Variants in CDH13 observed in about 807,000 individuals in gnomAD.
CDH13 encodes the protein cadherin 13.
CDH13 carries 24 observed loss-of-function variants against 63.8 expected under a neutral mutation model. The ratio of observed to expected loss-of-function variants is 0.38; its 90% CI spans 0.27 to 0.53. The LOEUF is 0.53. Ranked by LOEUF, CDH13 falls within the 20% of genes least tolerant of loss-of-function variation. The probability of loss-of-function intolerance (pLI) is 0.85; values close to 1 mark genes in which losing one functional copy is unlikely to be tolerated. For missense variants in CDH13, 1,049 were observed against 903.1 expected, an observed-to-expected ratio of 1.16 and a Z score of -2.07; for synonymous variants, 503 against 355.3, an observed-to-expected ratio of 1.42 and a Z score of -4.67.
At chr16:82,966,166 T>C (rs1011340044) in intron 2 of CDH13, among the ~76,000 whole-genome samples, 1 of 152,196 alleles carries the variant, frequency 6.6e-6, no homozygotes, top group African/African-American at 2.4e-5. Context: ...TTTGTTTGTT[T>C]GAGACAAAGA....
chr16:83,325,984 G>T (rs2151898889), intron 5 of CDH13, among the ~76,000 whole-genome samples: 1 of 152,158 alleles, frequency 6.6e-6, no homozygotes, highest in Middle Eastern at 3.4e-3. Context: ...AGAGAAAAAA[G>T]GTGACATGAA....
At chr16:83,170,822 C>T (rs1027832885) in intron 4 of CDH13, among the ~76,000 whole-genome samples, 2 of 152,128 alleles carry the variant, frequency 1.3e-5, no homozygotes, top group East Asian at 1.9e-4. Context: ...CCTGATTTGA[C>T]CAAACTTTTC....
chr16:83,649,016 C>G (rs779551782), intron 8 of CDH13, among the ~76,000 whole-genome samples: 3 of 152,224 alleles, frequency 2.0e-5, no homozygotes, highest in Non-Finnish European at 4.4e-5. Context: ...CATCTTATCA[C>G]TGGGGAAGGA....
chr16:83,384,040 A>G (rs1402296923), intron 6 of CDH13, among the ~76,000 whole-genome samples: 1 of 152,198 alleles, frequency 6.6e-6, no homozygotes, highest in Non-Finnish European at 1.5e-5. Flanking sequence ...GTACTCATTT[A>G]TACATGCTTG....
chr16:83,531,643 G>A (rs1003803209), intron 7 of CDH13, among the ~76,000 whole-genome samples: 5 of 152,170 alleles, frequency 3.3e-5, no homozygotes, highest in East Asian at 1.9e-4. Context: ...AGAGGGAGGC[G>A]AGTGGTATTG....
intron 8 of CDH13, among the ~76,000 whole-genome samples, chr16:83,628,352 C>A (rs1910502969): frequency 6.6e-6 from 1 of 152,174 alleles, no homozygotes; most frequent in African/African-American, 2.4e-5. Flanking sequence ...AAGTGGTCTG[C>A]CCACCTCAGC....
In CDH13 at chr16:83,602,515, T is replaced by C. The variant is rs1230916482; in HGVS notation, c.1022T>C (p.Val341Ala). 6.2e-7 allele frequency: 1 copy of C among 1,613,844 alleles called. No individual in the cohort carries two copies. Among genetic ancestry groups the C allele is most frequent in the Non-Finnish European group, 8.5e-7 (1 of 1,179,798 alleles). Residue 341 changes from valine (V) to alanine (A), a missense_variant, in exon 8 of 14, where the codon GTT becomes GCT. Physicochemically the swap from Val to Ala is moderately conservative, Grantham distance 64 (BLOSUM62 0). Coordinates refer to ENST00000567109, the MANE Select transcript of CDH13 (RefSeq NM_001257.5). ...IEAQDMAGLD[V>A]GLTGTATATI... ...GCTCAAGATATGGCTGGACTGGATGTTGGATTAACAGGCACGGCCACAGCC... is the reference window on the plus strand; with the variant it reads ...GCTCAAGATATGGCTGGACTGGATGCTGGATTAACAGGCACGGCCACAGCC...
chr16:83,142,558 C>G (rs2036578611), intron 4 of CDH13, among the ~76,000 whole-genome samples: 1 of 152,172 alleles, frequency 6.6e-6, no homozygotes, highest in Non-Finnish European at 1.5e-5. Flanking sequence ...CAAACTGAAT[C>G]AGGTCCTTCC....
At chr16:82,921,477 G>T (rs1323548461) in intron 2 of CDH13, among the ~76,000 whole-genome samples, 1 of 152,018 alleles carries the variant, frequency 6.6e-6, no homozygotes, top group Non-Finnish European at 1.5e-5. Context: ...GGCATTTAGG[G>T]ACCACCTGAA....
intron 6 of CDH13, among the ~76,000 whole-genome samples, chr16:83,442,035 C>G (rs2151496364): frequency 6.6e-6 from 1 of 152,094 alleles, no homozygotes; most frequent in East Asian, 1.9e-4. Flanking sequence ...ATGACAGAGT[C>G]TTTTTTGTCC....
intron 4 of CDH13, among the ~76,000 whole-genome samples, chr16:83,203,859 G>T (rs964082893): frequency 6.6e-6 from 1 of 152,014 alleles, no homozygotes; most frequent in Non-Finnish European, 1.5e-5. Flanking sequence ...GCATCCGAGG[G>T]CATGATTAAT....
At chr16:83,178,511 G>A (rs895601766) in intron 4 of CDH13, among the ~76,000 whole-genome samples, 4 of 152,080 alleles carry the variant, frequency 2.6e-5, no homozygotes, top group Non-Finnish European at 4.4e-5. Flanking sequence ...AGCTACTCAC[G>A]CAAATAACTC....
chr16:83,732,995 G>A (rs409533), intron 10 of CDH13, among the ~76,000 whole-genome samples: 118,013 of 152,158 alleles, frequency 0.78, 46,130 homozygotes, highest in Middle Eastern at 0.82. Flanking sequence ...CTGGGAGCTC[G>A]CTACCTTGTG....
At chr16:82,834,752 C>T (rs1426104961) in intron 1 of CDH13, among the ~76,000 whole-genome samples, 1 of 152,186 alleles carries the variant, frequency 6.6e-6, no homozygotes, top group Non-Finnish European at 1.5e-5. Flanking sequence ...GGAGATTTTG[C>T]ACAATATTAT....
chr16:82,853,382 T>C (rs191838968), intron 1 of CDH13, among the ~76,000 whole-genome samples: 26 of 152,348 alleles, frequency 1.7e-4, no homozygotes, highest in Admixed American at 7.8e-4. Flanking sequence ...CAGTGAATCA[T>C]GAATATGGAT....
At chr16:83,594,732 C>T (rs1907095851) in intron 7 of CDH13, among the ~76,000 whole-genome samples, 1 of 152,156 alleles carries the variant, frequency 6.6e-6, no homozygotes, top group African/African-American at 2.4e-5. Flanking sequence ...GATTTTCCCC[C>T]CACAGCTACC....
chr16:83,201,109 C>T (rs1435551521), intron 4 of CDH13, among the ~76,000 whole-genome samples: 2 of 152,158 alleles, frequency 1.3e-5, no homozygotes, highest in Non-Finnish European at 2.9e-5. Flanking sequence ...ACCAGGGTAG[C>T]TGTGCCTGTT....
chr16:83,336,101 G>C (rs1243269487), intron 5 of CDH13, among the ~76,000 whole-genome samples: 1 of 151,942 alleles, frequency 6.6e-6, no homozygotes, highest in Non-Finnish European at 1.5e-5. Context: ...AGGAGTTCGA[G>C]ACCCGCCTGA....
intron 6 of CDH13, among the ~76,000 whole-genome samples, chr16:83,408,576 A>G (rs1393399369): frequency 6.6e-6 from 1 of 152,238 alleles, no homozygotes; most frequent in East Asian, 1.9e-4. Context: ...TTAAAATGGT[A>G]TCCCTGTATA....
Sources: gnomAD v4.1 joint callset for allele counts (sites outside exome capture counted in the v4.1 genomes callset) on GRCh38, gnomAD v4.1.1 for gene constraint, MANE v1.5 for transcripts, NCBI Gene and HGNC (gene_info 2026-07-23, HGNC 2026-07-21) for gene names.